The following ARID1B variants were observed in gnomAD, a reference collection of about 807,000 sequenced individuals.
The protein encoded by ARID1B is AT-rich interaction domain 1B, also known as AT-rich interactive domain-containing protein 1B.
A neutral mutation model predicts 212.3 loss-of-function variants in ARID1B; 30 were observed. The ratio of observed to expected loss-of-function variants is 0.14; its 90% CI spans 0.11 to 0.19. The LOEUF (loss-of-function observed/expected upper bound fraction) is 0.19. ARID1B is among the 10% of genes least tolerant of loss of function. ARID1B has a pLI of 1.00. For synonymous variants in ARID1B, 1,402 were observed against 1,301.7 expected (o/e 1.08, Z -1.66); for missense variants, 2,891 against 3,204.0 (o/e 0.90, Z 2.36).
intron 6 of ARID1B, among the ~76,000 whole-genome samples, chr6:157,125,352 G>T (rs190011476): frequency 6.6e-6 from 1 of 152,154 alleles, no homozygotes; most frequent in Non-Finnish European, 1.5e-5. Flanking sequence ...GGTGTGGGTG[G>T]TCATTTCTTG....
chr6:156,855,490 C>T (rs1183289556), intron 2 of ARID1B, among the ~76,000 whole-genome samples: 1 of 152,174 alleles, frequency 6.6e-6, no homozygotes, highest in Non-Finnish European at 1.5e-5. Flanking sequence ...GCAGACTACA[C>T]GCTTACCTTT....
At chr6:157,057,500 C>A (rs1238083868) in intron 4 of ARID1B, among the ~76,000 whole-genome samples, 1 of 151,712 alleles carries the variant, frequency 6.6e-6, no homozygotes, top group Non-Finnish European at 1.5e-5. Flanking sequence ...TGTTGTGCAG[C>A]CTGGCTTTGA....
chr6:156,865,772 TGTTCCTC>T (rs1192539176), intron 2 of ARID1B, among the ~76,000 whole-genome samples: 1 of 152,160 alleles, frequency 6.6e-6, no homozygotes, highest in Non-Finnish European at 1.5e-5. Flanking sequence ...GAGCTCTTTC[TGTTCCTC>T]TAAGACTGCT....
chr6:156,891,930 G>T (rs1787957037), intron 2 of ARID1B, among the ~76,000 whole-genome samples: 1 of 147,694 alleles, frequency 6.8e-6, no homozygotes, highest in Non-Finnish European at 1.5e-5. Flanking sequence ...GGAGTACAAT[G>T]GCGCAATTTC....
chr6:157,153,068 G>C (rs1790319761), intron 8 of ARID1B, among the ~76,000 whole-genome samples: 1 of 152,136 alleles, frequency 6.6e-6, no homozygotes, highest in African/African-American at 2.4e-5. Flanking sequence ...TTTCTCAGCT[G>C]GTCAAGTATA....
chr6:157,138,977 G>A (rs887865810), intron 7 of ARID1B, among the ~76,000 whole-genome samples: 15 of 152,132 alleles, frequency 9.9e-5, no homozygotes, highest in Admixed American at 2.6e-4. Context: ...TAGCCTTCAA[G>A]TTATAAGACG....
intron 3 of ARID1B, among the ~76,000 whole-genome samples, chr6:156,908,556 T>G (rs745987940): frequency 1.6e-4 from 25 of 152,152 alleles, no homozygotes; most frequent in Non-Finnish European, 2.8e-4. Flanking sequence ...TGATGTTTAT[T>G]TTGCTGTTCT....
chr6:157,204,232 G>A (rs898241742), intron 19 of ARID1B: 5 of 434,346 alleles, frequency 1.2e-5, no homozygotes, highest in East Asian at 7.5e-5. Context: ...AACAGTGACT[G>A]TGTGTGTATG....
intron 15 of ARID1B, chr6:157,195,740 T>C (rs929355368): frequency 1.2e-5 from 2 of 166,374 alleles, no homozygotes; most frequent in African/African-American, 4.8e-5. Context: ...TTATGCTCTT[T>C]CAATAGTATT....
intron 4 of ARID1B, among the ~76,000 whole-genome samples, chr6:156,968,364 A>G (rs1309350018): frequency 6.6e-6 from 1 of 152,244 alleles, no homozygotes; most frequent in African/African-American, 2.4e-5. Context: ...TAAAGATATG[A>G]AACACTTGGG....
At chr6:156,896,872 C>T (rs1179605575) in intron 2 of ARID1B, among the ~76,000 whole-genome samples, 1 of 152,070 alleles carries the variant, frequency 6.6e-6, no homozygotes, top group African/African-American at 2.4e-5. Flanking sequence ...AGCGAGACTC[C>T]ACCTCAAACA....
chr6:156,879,459 G>A (rs1458465991), intron 2 of ARID1B, among the ~76,000 whole-genome samples: 2 of 152,190 alleles, frequency 1.3e-5, no homozygotes, highest in Non-Finnish European at 1.5e-5. Flanking sequence ...TGAGAGTATC[G>A]TAAATTAAGC....
chr6:157,194,950 C>G (rs926295864), intron 15 of ARID1B: 7 of 152,186 alleles, frequency 4.6e-5, no homozygotes, highest in Non-Finnish European at 1.0e-4. Context: ...GATTTCACCA[C>G]TGCAGTTGCA....
intron 1 of ARID1B, among the ~76,000 whole-genome samples, chr6:156,824,025 T>G (rs978583703): frequency 6.6e-6 from 1 of 152,216 alleles, no homozygotes; most frequent in South Asian, 2.1e-4. Context: ...ACATGTAATA[T>G]AGCTGAATTG....
chr6:157,034,707 ACCTTGTGTGACATTGATATTCCCT>A (rs1781217025), intron 4 of ARID1B, among the ~76,000 whole-genome samples: 1 of 152,184 alleles, frequency 6.6e-6, no homozygotes, highest in East Asian at 1.9e-4. Context: ...CAGCGTGAAA[ACCTTGTGTGACATTGATATTCCCT>A]TTGTATTAAA....
intron 4 of ARID1B, among the ~76,000 whole-genome samples, chr6:157,019,276 G>A (rs1780085211): frequency 1.3e-5 from 2 of 152,190 alleles, no homozygotes; most frequent in African/African-American, 4.8e-5. Flanking sequence ...GGAGAGATGC[G>A]AGTCTCAGTT....
intron 4 of ARID1B, among the ~76,000 whole-genome samples, chr6:157,000,135 G>A (rs1778825014): frequency 6.6e-6 from 1 of 152,172 alleles, no homozygotes; most frequent in Non-Finnish European, 1.5e-5. Context: ...TAGAAGGATG[G>A]CTGAGGAGAA....
chr6:156,961,443 T>G lies in ARID1B; in HGVS notation c.2247+25867T>G, dbSNP rs138993401. On this transcript the variant is annotated intron_variant, in intron 4 of 19. Transcript: ENST00000636930. The stretch of plus-strand genomic sequence containing the variant: ...CCTCTTCCGGGCAGTGCTGTGGTGA[T>G]GCAGCCTTGGGCCCCGCCAGCAGCG... Among the ~76,000 whole-genome samples, 430 of 152,374 alleles carry G rather than the reference T, an allele frequency of 2.8e-3. 3 individuals carry two copies. The highest frequency in any genetic ancestry group is 9.4e-3 in the African/African-American group (391 of 41,592).
chr6:156,875,252 T>C (rs1203016347), intron 2 of ARID1B, among the ~76,000 whole-genome samples: 1 of 152,238 alleles, frequency 6.6e-6, no homozygotes, highest in African/African-American at 2.4e-5. Context: ...AGTCATTCTT[T>C]AGCTTCATAG....
Sources: allele counts gnomAD v4.1 joint callset (sites outside exome capture counted in the v4.1 genomes callset), GRCh38; gene constraint gnomAD v4.1.1; transcripts MANE v1.5; gene names NCBI Gene and HGNC (gene_info 2026-07-23, HGNC 2026-07-21).